MMUT: variants seen among roughly 807,000 people sequenced by gnomAD.
The protein encoded by MMUT is methylmalonyl-CoA mutase.
A neutral mutation model predicts 79.9 loss-of-function variants in MMUT; 79 were observed. That is an observed-to-expected ratio of 0.99 (90% CI 0.82 to 1.19). The LOEUF is 1.19. Among genes scored for constraint, MMUT ranks in the 50% most tolerant of loss-of-function variants. MMUT has a pLI of 0.00. For missense variants in MMUT, 860 were observed against 917.2 expected (o/e 0.94, Z 0.81); for synonymous variants, 273 against 295.7 (o/e 0.92, Z 0.79).
chr6:49,459,165 G>A lies in MMUT; in HGVS notation c.302C>T (p.Thr101Ile). 1.2e-6 allele frequency: 2 copies of A among 1,614,158 alleles called. No homozygotes were observed. The highest frequency in any genetic ancestry group is 1.7e-6 in the Non-Finnish European group (2 of 1,180,026). Residue 101 changes from threonine (T) to isoleucine (I), a missense_variant, in exon 2 of 13, where the codon ACC becomes ATC. Physicochemically the swap from Thr to Ile is moderately conservative, Grantham distance 89. Coordinates refer to ENST00000274813, the MANE Select transcript of MMUT (RefSeq NM_000255.4). ...FTRGPYPTMYTFRPWTIRQYA... is the reference protein window; with the variant it reads ...FTRGPYPTMYIFRPWTIRQYA... ...CTGGCGGATGGTCCAGGGCCTAAAG[G>A]TATACATGGTAGGATATGGTCCACG...
At chr6:49,455,216 A>T (rs956896632) in intron 4 of MMUT, among the ~76,000 whole-genome samples, 1 of 152,192 alleles carries the variant, frequency 6.6e-6, no homozygotes, top group African/African-American at 2.4e-5. Flanking sequence ...AAACAGCTGG[A>T]GTCTCATATC....
intron 11 of MMUT, among the ~76,000 whole-genome samples, chr6:49,437,237 A>G (rs1329973407): frequency 6.6e-6 from 1 of 152,032 alleles, no homozygotes; most frequent in Non-Finnish European, 1.5e-5. Flanking sequence ...TTTTTCATCA[A>G]ATTTTCTGAA....
At chr6:49,458,897 C>A (rs1376752301) in intron 2 of MMUT, among the ~76,000 whole-genome samples, 185 bp downstream of exon 2, 1 of 152,108 alleles carries the variant, frequency 6.6e-6, no homozygotes. Flanking sequence ...AAATTTAGCA[C>A]CTTATTCTAA....
At chr6:49,456,587 A>T (rs1767697392) in intron 3 of MMUT, among the ~76,000 whole-genome samples, 1 of 152,172 alleles carries the variant, frequency 6.6e-6, no homozygotes, top group Admixed American at 6.5e-5. Context: ...TTCCAAACCA[A>T]TGACTTGGAC....
rs919157613 is a variant in MMUT, at chr6:49,441,924, T to C, written c.1724A>G (p.Glu575Gly). Residue 575 changes from glutamate (E) to glycine (G), a missense_variant, in exon 10 of 13, where the codon GAA (glutamate) becomes GGA (glycine). Coordinates refer to ENST00000274813, the MANE Select transcript of MMUT (RefSeq NM_000255.4). ...CACCATTCGATCATTCGCTTTATGT[T>C]CACCAAATACCTTTTTCAGGGCATC... Reference protein sequence around the residue: ...ITDALKKVFGEHKANDRMVSG... With the variant: ...ITDALKKVFGGHKANDRMVSG... 1 of 1,612,138 alleles carries C rather than the reference T, an allele frequency of 6.2e-7. No homozygotes were observed. Among genetic ancestry groups the C allele is most frequent in the Non-Finnish European group, 8.5e-7 (1 of 1,178,642 alleles).
intron 8 of MMUT, among the ~76,000 whole-genome samples, chr6:49,446,102 A>G (rs1295089990): frequency 6.6e-6 from 1 of 151,948 alleles, no homozygotes; most frequent in African/African-American, 2.4e-5. Context: ...AGTTTGCTAT[A>G]ATTATCTCAA....
In MMUT at chr6:49,431,851, A is replaced by G. The variant is rs375956047; in HGVS notation, c.2130T>C (p.Tyr710=). 80 of 1,613,378 alleles carry G rather than the reference A, an allele frequency of 5.0e-5. No individual in the cohort carries two copies. Among genetic ancestry groups the G allele is most frequent in the Non-Finnish European group, 2.0e-5 (24 of 1,179,474 alleles). The change falls in exon 13 of 13, where the codon TAT becomes TAC. Residue 710 remains tyrosine (Y), a synonymous_variant. Transcript: ENST00000274813. The part of the protein sequence containing the change: ...MCGGVIPPQD[Y]EFLFEVGVSN... Reference sequence around the variant, plus strand: ...AAACACCAACTTCAAACAGAAATTCATAATCCTGTTGAAAGAATGTGTTTA... The same window carrying G: ...AAACACCAACTTCAAACAGAAATTCGTAATCCTGTTGAAAGAATGTGTTTA...
intron 12 of MMUT, among the ~76,000 whole-genome samples, chr6:49,435,227 C>T (rs894271257): frequency 1.3e-5 from 2 of 152,110 alleles, no homozygotes; most frequent in South Asian, 4.1e-4. Flanking sequence ...GGAGGTAGTT[C>T]TCTCATTGAA....
chr6:49,437,795 T>C (rs1392653003), intron 11 of MMUT, among the ~76,000 whole-genome samples: 1 of 151,988 alleles, frequency 6.6e-6, no homozygotes, highest in Non-Finnish European at 1.5e-5. Flanking sequence ...TTGAATCTAG[T>C]TGCAGCTCTC....
At position 49,456,243 on chromosome 6, in the gene MMUT, TAAAAAA is replaced by T. The variant is rs750770186; in HGVS notation, c.754-12_754-7del. On this transcript the variant is annotated splice_polypyrimidine_tract_variant and splice_region_variant and intron_variant, in intron 3 of 12. Transcript: ENST00000274813. ...GAATTAAATTTTGGCATGTGCTACATAAAAAAAAAAATTGTAACAGTGAATAAGTAA... is the reference window on the plus strand; with the variant it reads ...GAATTAAATTTTGGCATGTGCTACATAAAAATTGTAACAGTGAATAAGTAA... 1 of 1,302,090 alleles carries T rather than the reference TAAAAAA, an allele frequency of 7.7e-7. No homozygotes were observed. The highest frequency in any genetic ancestry group is 1.0e-6 in the Non-Finnish European group (1 of 954,632). The allele number at this position is 1,302,090 out of a possible 1,614,324, so 80.7% of individuals were successfully genotyped here.
rs1161199684 is a variant in MMUT at position 49,431,045 on chromosome 6, GA to G, written c.*682del. Reference sequence around the variant, plus strand: ...ACAACCTAAGCACTTTTATTTAAAGGAATGTTCATCAACATCCACTCTCCTT... The same window carrying G: ...ACAACCTAAGCACTTTTATTTAAAGGATGTTCATCAACATCCACTCTCCTT... On this transcript the variant is annotated 3_prime_UTR_variant, in exon 13 of 13. Transcript: ENST00000274813. 1 of 152,170 alleles carries G rather than the reference GA, an allele frequency of 6.6e-6. No homozygotes were observed. Among genetic ancestry groups the G allele is most frequent in the Admixed American group, 6.6e-5 (1 of 15,264 alleles). 9.4% of individuals were successfully genotyped at this position (152,170 alleles called of 1,614,324 possible). A position where few individuals can be genotyped will look rare whatever the true frequency, so the allele number is the denominator to read the frequency against.
intron 2 of MMUT, 68 bp downstream of exon 2, chr6:49,459,014 C>T: frequency 6.8e-7 from 1 of 1,467,846 alleles, no homozygotes; most frequent in Non-Finnish European, 9.4e-7. Context: ...GAGATTAACC[C>T]CCAAAAAATA....
intron 11 of MMUT, among the ~76,000 whole-genome samples, chr6:49,436,860 T>C (rs1372738181): frequency 6.6e-6 from 1 of 152,180 alleles, no homozygotes; most frequent in East Asian, 1.9e-4. Flanking sequence ...CCACATGTTC[T>C]TTCTTATAAT....
intron 11 of MMUT, among the ~76,000 whole-genome samples, chr6:49,438,673 A>C (rs1181676155): frequency 6.6e-6 from 1 of 152,106 alleles, no homozygotes; most frequent in Non-Finnish European, 1.5e-5. Context: ...ATTGACCCTG[A>C]GTGTGTCTGT....
chr6:49,454,311 G>C (rs367556692), intron 4 of MMUT, among the ~76,000 whole-genome samples: 3 of 152,060 alleles, frequency 2.0e-5, no homozygotes, highest in African/African-American at 7.2e-5. Context: ...ACACATTTTT[G>C]GAAGTTCTTT....
Position 49,457,864 on chromosome 6 carries a change from G to A in MMUT, c.580C>T (p.Pro194Ser). 6.2e-7 allele frequency: 1 copy of A among 1,613,750 alleles called. No homozygotes were observed. Among genetic ancestry groups the A allele is most frequent in the South Asian group, 1.1e-5 (1 of 91,060 alleles). ...GTTACTATAAAATTTGCAAGAACTGGAATAACTGCTCCATTCATAGTCATG... is the reference window on the plus strand; with the variant it reads ...GTTACTATAAAATTTGCAAGAACTGAAATAACTGCTCCATTCATAGTCATG... ...VSMTMNGAVIPVLANFIVTGE... is the reference protein window; with the variant it reads ...VSMTMNGAVISVLANFIVTGE... Residue 194 changes from proline (P) to serine (S), a missense_variant, in exon 3 of 13, where the codon CCA (proline) becomes TCA (serine). By Grantham distance (74) the Pro-to-Ser change is moderately conservative (BLOSUM62 -1). Coordinates refer to ENST00000274813, the MANE Select transcript of MMUT (RefSeq NM_000255.4).
At position 49,451,659 on chromosome 6, in the gene MMUT, C is replaced by T. The variant is rs751206990; in HGVS notation, c.1139G>A (p.Gly380Glu). 2 of 1,614,024 alleles carry T rather than the reference C, an allele frequency of 1.2e-6. No individual in the cohort carries two copies. The highest frequency in any genetic ancestry group is 2.2e-5 in the East Asian group (1 of 44,876). Residue 380 changes from glycine to glutamate, a missense_variant, in exon 6 of 13, where the codon GGA becomes GAA. Coordinates refer to ENST00000274813, the MANE Select transcript of MMUT (RefSeq NM_000255.4). ...ATTTGTGTGCAAAGACTGAGTCCCT[C>T]CAAATACTGCTGCCATTGCTTCTAT... is the stretch of plus-strand genomic sequence containing the variant. The part of the protein sequence containing the change: ...TAIEAMAAVF[G>E]GTQSLHTNSF...
At chr6:49,435,359 T>C (rs1331325487) in intron 12 of MMUT, 97 bp downstream of exon 12, 6 of 1,222,606 alleles carry the variant, frequency 4.9e-6, no homozygotes, top group East Asian at 2.4e-5. Flanking sequence ...GGAAATAATA[T>C]GTTCCTAAAT....
chr6:49,440,888 G>C (rs1323247931), intron 10 of MMUT, among the ~76,000 whole-genome samples: 1 of 152,148 alleles, frequency 6.6e-6, no homozygotes, highest in Non-Finnish European at 1.5e-5. Context: ...ACATATATGT[G>C]ATAGACTGGC....
Sources: allele counts gnomAD v4.1 joint callset (sites outside exome capture counted in the v4.1 genomes callset), GRCh38; gene constraint gnomAD v4.1.1; transcripts MANE v1.5; gene names NCBI Gene and HGNC (gene_info 2026-07-23, HGNC 2026-07-21).